The following ASB16 variants were observed in gnomAD, a reference collection of about 807,000 sequenced individuals.
ASB16 encodes ankyrin repeat and SOCS box containing 16, also known as ankyrin repeat and SOCS box protein 16.
In ASB16, 44 loss-of-function variants were observed where a neutral mutation model predicts 39.1. The observed-to-expected ratio is 1.13, with a 90% CI of 0.88 to 1.45. The LOEUF (loss-of-function observed/expected upper bound fraction) is 1.45. ASB16 is among the 40% of genes most tolerant of loss of function. ASB16 has a pLI of 0.00. For missense variants in ASB16, 698 were observed against 634.5 expected (o/e 1.10, Z -1.07); for synonymous variants, 305 against 286.7 (o/e 1.06, Z -0.64).
chr17:44,171,134 G>T, intron 1 of ASB16, 44 bp downstream of exon 1: 1 of 1,568,212 alleles, frequency 6.4e-7, no homozygotes, highest in South Asian at 1.2e-5. Flanking sequence ...GAGAAAGAAG[G>T]GGAGTGGGTG....
intron 2 of ASB16, among the ~76,000 whole-genome samples, chr17:44,172,592 A>AAT (rs2054252122): frequency 2.0e-5 from 3 of 152,060 alleles, no homozygotes; most frequent in Non-Finnish European, 1.5e-5. Context: ...TGCAGTCTCC[A>AAT]ATACCCTGTG....
rs1219518069 is a variant in ASB16, at chr17:44,177,244, C to T, written c.1062+14C>T. On this transcript the variant is annotated intron_variant, in intron 3 of 4. Coordinates refer to ENST00000293414, the MANE Select transcript of ASB16 (RefSeq NM_080863.5). ...GTGCGCCCTGAGGTGCGCTGGGAGG[C>T]CCTGACATAGGAGGCTCCTGTGTGG... The T allele has an allele frequency of 3.3e-6, 5 of 1,526,452 alleles. No homozygotes were observed. Among genetic ancestry groups the T allele is most frequent in the Non-Finnish European group, 4.4e-6 (5 of 1,137,966 alleles). 94.6% of individuals were successfully genotyped at this position (1,526,452 alleles called of 1,614,324 possible). A position where few individuals can be genotyped will look rare whatever the true frequency, so the allele number is the denominator to read the frequency against.
chr17:44,177,663 T>A lies in ASB16; in HGVS notation c.1117T>A (p.Tyr373Asn). The A allele has an allele frequency of 6.2e-7, 1 of 1,613,886 alleles. No individual in the cohort carries two copies. The highest frequency in any genetic ancestry group is 8.5e-7 in the Non-Finnish European group (1 of 1,179,828). The change falls in exon 4 of 5, where the codon TAT becomes AAT. Residue 373 changes from tyrosine (Y) to asparagine (N), a missense_variant. Tyr to Asn is a moderately radical substitution (Grantham distance 143). Coordinates refer to ENST00000293414, the MANE Select transcript of ASB16 (RefSeq NM_080863.5). ...PRALEVLLNA[Y>N]PCVPSCETWV... ...GGCCCTGGAAGTCCTGCTTAATGCC[T>A]ATCCTTGTGTCCCATCCTGTGAGAC...
At position 44,176,828 on chromosome 17, in the gene ASB16, C is replaced by T; in HGVS notation, c.660C>T (p.Arg220=). ...CGCCCCTGCACGTGGCGGCGGCGCG[C>T]GGCCTGGAGCAACATGTGGCTCTGT... ...QETPLHVAAA[R]GLEQHVALYL... is the part of the protein sequence containing the mutation. Residue 220 remains arginine, a synonymous_variant, in exon 3 of 5, where the codon CGC becomes CGT. Transcript: ENST00000293414. 1.9e-6 allele frequency: 3 copies of T among 1,612,072 alleles called. No homozygotes were observed. The highest frequency in any genetic ancestry group is 1.7e-5 in the Admixed American group (1 of 59,974).
intron 1 of ASB16, 150 bp downstream of exon 1, chr17:44,171,240 G>A: frequency 1.1e-6 from 1 of 872,668 alleles, no homozygotes; most frequent in African/African-American, 1.7e-5. Context: ...AAACAGAGAT[G>A]AGGCAGGGTT....
chr17:44,174,893 G>A (rs1264248330), intron 2 of ASB16, among the ~76,000 whole-genome samples: 2 of 151,788 alleles, frequency 1.3e-5, no homozygotes, highest in African/African-American at 4.8e-5. Context: ...CACGAGGTCA[G>A]GAGATCAAGA....
intron 2 of ASB16, among the ~76,000 whole-genome samples, chr17:44,174,102 C>G (rs953601676): frequency 8.0e-5 from 12 of 150,684 alleles, no homozygotes; most frequent in African/African-American, 2.7e-4. Flanking sequence ...TGTAGTGGCC[C>G]GATCTCGGCT....
In ASB16 at chr17:44,171,093, A is replaced by AG. The variant is rs1420110250; in HGVS notation, c.301+8dup. 6.2e-7 allele frequency: 1 copy of AG among 1,610,378 alleles called. No individual in the cohort carries two copies. The highest frequency in any genetic ancestry group is 1.7e-5 in the Admixed American group (1 of 59,858). On this transcript the variant is annotated splice_donor_region_variant and intron_variant, in intron 1 of 4. Transcript: ENST00000293414. ...GCTGGCCTGGTCGGCTGAACAGGGTAGGGGGCACCAGAAGAGGGCAGAAGA... is the reference window on the plus strand; with the variant it reads ...GCTGGCCTGGTCGGCTGAACAGGGTAGGGGGGCACCAGAAGAGGGCAGAAGA...
chr17:44,170,841 C>T lies in ASB16; in HGVS notation c.52C>T (p.Leu18=). ...FTSSMLRSLR[L]QQEWLEWEDR... ...CTCCTCCATGCTGCGCTCTCTCCGCCTGCAGCAGGAGTGGCTGGAATGGGA... is the reference window on the plus strand; with the variant it reads ...CTCCTCCATGCTGCGCTCTCTCCGCTTGCAGCAGGAGTGGCTGGAATGGGA... Residue 18 remains leucine, a synonymous_variant, in exon 1 of 5, where the codon CTG becomes TTG. Coordinates refer to ENST00000293414, the MANE Select transcript of ASB16 (RefSeq NM_080863.5). 1 of 1,611,660 alleles carries T rather than the reference C, an allele frequency of 6.2e-7. No individual in the cohort carries two copies.
chr17:44,173,215 C>T (rs1036668023), intron 2 of ASB16, among the ~76,000 whole-genome samples: 11 of 150,996 alleles, frequency 7.3e-5, no homozygotes, highest in South Asian at 4.2e-4. Context: ...AGTGAAACCC[C>T]GTCTCTATTA....
chr17:44,172,220 T>C lies in ASB16; in HGVS notation c.476T>C (p.Val159Ala). 6.2e-7 allele frequency: 1 copy of C among 1,613,762 alleles called. No homozygotes were observed. Among genetic ancestry groups the C allele is most frequent in the Non-Finnish European group, 8.5e-7 (1 of 1,180,048 alleles). ...TGTGCCCGAGCCCAGTTTGACTGTG[T>C]GCGGCTGCTGCTGACCTTCGGAGCC... The part of the protein sequence containing the change: ...EACARAQFDC[V>A]RLLLTFGAKA... The change falls in exon 2 of 5, where the codon GTG (valine) becomes GCG (alanine). Residue 159 changes from valine to alanine, a missense_variant. Transcript: ENST00000293414.
In ASB16 at chr17:44,176,990, A is replaced by C; in HGVS notation, c.822A>C (p.Gly274=). ...QAAARRLLEA[G]ADARAAGRKR... Reference sequence around the variant, plus strand: ...CGGCGCGCCGGCTCCTGGAGGCTGGAGCTGATGCCCGGGCGGCCGGGCGCA... The same window carrying C: ...CGGCGCGCCGGCTCCTGGAGGCTGGCGCTGATGCCCGGGCGGCCGGGCGCA... The change falls in exon 3 of 5, where the codon GGA becomes GGC. Residue 274 remains glycine (G), a synonymous_variant. Coordinates refer to ENST00000293414, the MANE Select transcript of ASB16 (RefSeq NM_080863.5). 1.3e-6 allele frequency: 2 copies of C among 1,490,984 alleles called. No individual in the cohort carries two copies. The highest frequency in any genetic ancestry group is 1.8e-6 in the Non-Finnish European group (2 of 1,132,632). The allele number at this position is 1,490,984 out of a possible 1,614,324, so 92.4% of individuals were successfully genotyped here.
rs149170804 is a variant in ASB16 at position 44,170,928 on chromosome 17, G to A, written c.139G>A (p.Ala47Thr). ...RSRRCPSSPR[A>T]RLTRPHRSCR... ...CCGCAGGTGCCCGTCAAGTCCCCGG[G>A]CCCGACTCACTAGGCCTCACCGTTC... The change falls in exon 1 of 5, where the codon GCC becomes ACC. Residue 47 changes from alanine to threonine, a missense_variant. Ala to Thr is a moderately conservative substitution (Grantham distance 58, BLOSUM62 0). Coordinates refer to ENST00000293414, the MANE Select transcript of ASB16 (RefSeq NM_080863.5). The A allele has an allele frequency of 3.1e-3, 5,078 of 1,613,190 alleles. 12 individuals carry two copies. The highest frequency in any genetic ancestry group is 3.7e-3 in the Non-Finnish European group (4,411 of 1,179,920).
At chr17:44,172,512 G>C (rs772353782) in intron 2 of ASB16, among the ~76,000 whole-genome samples, 199 bp downstream of exon 2, 1 of 152,166 alleles carries the variant, frequency 6.6e-6, no homozygotes, top group African/African-American at 2.4e-5. Context: ...TTAGTAACTT[G>C]TCCAAGGTCA....
Position 44,176,901 on chromosome 17 carries a change from A to T in ASB16, c.733A>T (p.Thr245Ser). 1 of 1,591,872 alleles carries T rather than the reference A, an allele frequency of 6.3e-7. No homozygotes were observed. The highest frequency in any genetic ancestry group is 8.5e-7 in the Non-Finnish European group (1 of 1,173,520). ...GGGCCTGCGCACCAGCCAGGGCGAG[A>T]CTGCGCTGAACACGGCGTGCGCTGG... ...DVGLRTSQGE[T>S]ALNTACAGAE... Residue 245 changes from threonine to serine, a missense_variant, in exon 3 of 5, where the codon ACT (threonine) becomes TCT (serine). Coordinates refer to ENST00000293414, the MANE Select transcript of ASB16 (RefSeq NM_080863.5).
In ASB16 at chr17:44,178,772, T is replaced by C; in HGVS notation, c.*382T>C. ...GCATGAGCCACTGCGCCTGGTTGCC[T>C]GCCCCTCTTTTCTGTACTCCACGTG... On this transcript the variant is annotated 3_prime_UTR_variant, in exon 5 of 5. Coordinates refer to ENST00000293414, the MANE Select transcript of ASB16 (RefSeq NM_080863.5). The C allele has an allele frequency of 4.0e-6, 1 of 249,210 alleles. No individual in the cohort carries two copies. Among genetic ancestry groups the C allele is most frequent in the Non-Finnish European group, 7.9e-6 (1 of 125,928 alleles). The allele number at this position is 249,210 out of a possible 1,614,324, so 15.4% of individuals were successfully genotyped here.
chr17:44,178,707 G>GATCC lies in ASB16; in HGVS notation c.*319_*322dup, dbSNP rs1241531211. 1 of 345,140 alleles carries GATCC rather than the reference G, an allele frequency of 2.9e-6. No individual in the cohort carries two copies. The highest frequency in any genetic ancestry group is 5.4e-6 in the Non-Finnish European group (1 of 185,416). The allele number at this position is 345,140 out of a possible 1,614,324, so 21.4% of individuals were successfully genotyped here. A position where few individuals can be genotyped will look rare whatever the true frequency, so the allele number is the denominator to read the frequency against. On this transcript the variant is annotated 3_prime_UTR_variant, in exon 5 of 5. Coordinates refer to ENST00000293414, the MANE Select transcript of ASB16 (RefSeq NM_080863.5). ...GGCTGGTCTCACACTGACCTCAGGT[G>GATCC]ATCCACCCGCCTTGGCCTCCCAAAG...
intron 2 of ASB16, among the ~76,000 whole-genome samples, chr17:44,174,931 GTC>G (rs1263074103): frequency 6.8e-6 from 1 of 146,194 alleles, no homozygotes; most frequent in African/African-American, 2.5e-5. Flanking sequence ...GTGAAACCCT[GTC>G]TCTACTAAAA....
At chr17:44,177,852 G>A (rs1405160425) in intron 4 of ASB16, 130 bp downstream of exon 4, 2 of 1,345,022 alleles carry the variant, frequency 1.5e-6, no homozygotes, top group East Asian at 5.0e-5. Flanking sequence ...GCACCCCTGG[G>A]TTTCAGGGTA....
Sources: allele counts gnomAD v4.1 joint callset (sites outside exome capture counted in the v4.1 genomes callset), GRCh38; gene constraint gnomAD v4.1.1; transcripts MANE v1.5; gene names NCBI Gene and HGNC (gene_info 2026-07-23, HGNC 2026-07-21).